The following PVT1 variants were observed in gnomAD, a reference collection of about 807,000 sequenced individuals.
PVT1 encodes CXCR4/PVT1 fusion.
intron 2 of PVT1, among the ~76,000 whole-genome samples, chr8:127,884,058 G>A (rs1586421134): frequency 6.6e-6 from 1 of 152,290 alleles, no homozygotes. Flanking sequence ...TATGTGTATC[G>A]ATAGCTTGAC....
In PVT1 at chr8:127,915,403, G is replaced by A. The variant is rs949032023; in HGVS notation, n.782+24405G>A. Among the ~76,000 whole-genome samples, 10 of 151,348 alleles carry A rather than the reference G, an allele frequency of 6.6e-5. No individual in the cohort carries two copies. The Middle Eastern group carries it at 0.01, about 154-fold the overall frequency. ...GGCGGGCGGCAGATCACCTGAAGTC[G>A]GGAGTTTGAGACCAGCCTGACCAAC... is the stretch of plus-strand genomic sequence containing the variant. On this transcript the variant is annotated intron_variant and non_coding_transcript_variant, in intron 3 of 10. Coordinates refer to ENST00000651587, the Ensembl canonical transcript of PVT1.
At chr8:127,818,877 C>T (rs924661429) in intron 2 of PVT1, among the ~76,000 whole-genome samples, 2 of 135,074 alleles carry the variant, frequency 1.5e-5, no homozygotes, top group Non-Finnish European at 3.4e-5. Flanking sequence ...TATTCTCTCT[C>T]TCTCTCTCAC....
At chr8:127,870,910 G>A (rs1037798731) in intron 2 of PVT1, among the ~76,000 whole-genome samples, 8 of 152,162 alleles carry the variant, frequency 5.3e-5, no homozygotes, top group Non-Finnish European at 1.0e-4. Context: ...TGCTGAATAT[G>A]CCGTGTGTCC....
chr8:127,908,058 C>T lies in PVT1; in HGVS notation n.782+17060C>T, dbSNP rs138194129. The stretch of plus-strand genomic sequence containing the variant: ...TTCCATTTCAGTTAATCTGTGGCCG[C>T]GCATCACCCATGGCATTCTCTATCT... On this transcript the variant is annotated intron_variant and non_coding_transcript_variant, in intron 3 of 10. Coordinates refer to ENST00000651587, the Ensembl canonical transcript of PVT1. Among the ~76,000 whole-genome samples the T allele has an allele frequency of 1.2e-4, 19 of 152,248 alleles. No individual in the cohort carries two copies. The East Asian group carries it at 3.7e-3, about 29-fold the overall frequency.
chr8:127,879,884 T>C (rs2129784096), intron 2 of PVT1, among the ~76,000 whole-genome samples: 1 of 152,354 alleles, frequency 6.6e-6, no homozygotes, highest in Admixed American at 6.5e-5. Flanking sequence ...CTCATGGAGA[T>C]TTGCTTCTCA....
At chr8:128,076,616 C>T (rs1255253881) in intron 5 of PVT1, among the ~76,000 whole-genome samples, 1 of 152,186 alleles carries the variant, frequency 6.6e-6, no homozygotes. Flanking sequence ...TGTTCTTAGG[C>T]GAGTCGCTTA....
intron 3 of PVT1, among the ~76,000 whole-genome samples, chr8:127,965,598 C>T (rs2129953956): frequency 6.6e-6 from 1 of 152,322 alleles, no homozygotes; most frequent in African/African-American, 2.4e-5. Context: ...CCTGGGGGAC[C>T]CTTCCTTGTT....
chr8:128,041,118 ATGTT>A lies in PVT1; in HGVS notation n.913-29038_913-29035del, dbSNP rs1301701318. 4.9e-4 allele frequency among the ~76,000 whole-genome samples: 71 copies of A among 145,624 alleles called. 1 individual carries two copies. The highest frequency in any genetic ancestry group is 2.1e-3 in the Admixed American group (31 of 14,648). The stretch of plus-strand genomic sequence containing the variant: ...TGTGCTTGTGTGTGATTGTGTGTAT[ATGTT>A]TGTGCATGTGTGTGCATGTGTGTTT... On this transcript the variant is annotated intron_variant and non_coding_transcript_variant, in intron 4 of 10. Coordinates refer to ENST00000651587, the Ensembl canonical transcript of PVT1.
At chr8:128,031,761 A>G (rs775482462) in intron 4 of PVT1, among the ~76,000 whole-genome samples, 1 of 152,242 alleles carries the variant, frequency 6.6e-6, no homozygotes, top group Non-Finnish European at 1.5e-5. Flanking sequence ...AGAGGTAGGT[A>G]GTACTGTTAT....
At chr8:127,909,585 G>T (rs1299326956) in intron 3 of PVT1, among the ~76,000 whole-genome samples, 1 of 152,188 alleles carries the variant, frequency 6.6e-6, no homozygotes, top group Non-Finnish European at 1.5e-5. Context: ...GCTCTTTGGG[G>T]GTGACTCATG....
At chr8:127,820,543 C>T (rs989890493) in intron 2 of PVT1, among the ~76,000 whole-genome samples, 1 of 151,986 alleles carries the variant, frequency 6.6e-6, no homozygotes, top group African/African-American at 2.4e-5. Context: ...GCATCTCCCT[C>T]GAGGGAAGGA....
chr8:127,839,636 A>G (rs1188731991), intron 2 of PVT1, among the ~76,000 whole-genome samples: 5 of 152,088 alleles, frequency 3.3e-5, no homozygotes, highest in African/African-American at 1.2e-4. Flanking sequence ...TTGAAGCCAG[A>G]TAATAAGGCA....
chr8:128,097,645 A>T (rs2648905), intron 6 of PVT1, among the ~76,000 whole-genome samples: 31,005 of 151,850 alleles, frequency 0.2, 3,513 homozygotes, highest in East Asian at 0.4. Flanking sequence ...TCTTATCAAC[A>T]CTGAGGCAGG....
Position 127,817,415 on chromosome 8 carries a change from TA to T in PVT1, n.372+21347del, listed in dbSNP as rs1315466211. On this transcript the variant is annotated intron_variant and non_coding_transcript_variant, in intron 2 of 10. Transcript: ENST00000651587. ...TAATATATATTAAATAATATATATT[TA>T]AATAGATATATATATATTACAGACT... 4.7e-5 allele frequency among the ~76,000 whole-genome samples: 5 copies of T among 105,408 alleles called. No individual in the cohort carries two copies. The East Asian group carries it at 6.6e-4, about 14-fold the overall frequency. The allele number at this position is 105,408 out of a possible 152,430, so 69.2% of individuals were successfully genotyped here.
intron 4 of PVT1, among the ~76,000 whole-genome samples, chr8:128,059,291 A>G (rs2648873): frequency 0.098 from 14,943 of 151,994 alleles, 987 homozygotes; most frequent in East Asian, 0.22. Context: ...ATGCTCAGCC[A>G]TTGTTGCCCA....
At chr8:127,892,482 A>C (rs772334862) in intron 3 of PVT1, among the ~76,000 whole-genome samples, 3 of 152,142 alleles carry the variant, frequency 2.0e-5, no homozygotes, top group Non-Finnish European at 4.4e-5. Context: ...TTTCTTGAGT[A>C]TATATATGAC....
At chr8:128,085,916 A>G (rs146175511) in intron 5 of PVT1, among the ~76,000 whole-genome samples, 573 of 152,344 alleles carry the variant, frequency 3.8e-3, no homozygotes, top group Non-Finnish European at 5.8e-3. Flanking sequence ...CTTTGTATGA[A>G]TGTCTCCAAT....
At chr8:127,908,345 T>C (rs1815848772) in intron 3 of PVT1, among the ~76,000 whole-genome samples, 1 of 138,064 alleles carries the variant, frequency 7.2e-6, no homozygotes, top group Non-Finnish European at 1.6e-5. Flanking sequence ...TTTTTCTTTC[T>C]TTCTTTTTTT....
chr8:127,844,427 C>T (rs1815008438), intron 2 of PVT1, among the ~76,000 whole-genome samples: 1 of 152,178 alleles, frequency 6.6e-6, no homozygotes, highest in South Asian at 2.1e-4. Context: ...CCTTCTGTCC[C>T]TTGCCCATGA....
Sources: gnomAD v4.1 joint callset for allele counts (sites outside exome capture counted in the v4.1 genomes callset) on GRCh38, gnomAD v4.1.1 for gene constraint, MANE v1.5 for transcripts, NCBI Gene and HGNC (gene_info 2026-07-23, HGNC 2026-07-21) for gene names.